Variants in SEMA6A observed in about 807,000 individuals in gnomAD.
The protein encoded by SEMA6A is semaphorin 6A, also known as semaphorin-6A.
SEMA6A carries 25 observed loss-of-function variants against 96.8 expected under a neutral mutation model. The observed-to-expected ratio is 0.26, with a 90% CI of 0.19 to 0.36. The LOEUF is 0.36. Ranked by LOEUF, SEMA6A falls within the 10% of genes least tolerant of loss-of-function variation. The pLI is 1.00. For synonymous variants in SEMA6A, 612 were observed against 518.0 expected (o/e 1.18, Z -2.46); for missense variants, 1,363 against 1,323.1 (o/e 1.03, Z -0.47).
chr5:116,536,866 T>TAAAAAAAAAAAAAAAA (rs72214884), intron 1 of SEMA6A, among the ~76,000 whole-genome samples: 15 of 69,516 alleles, frequency 2.2e-4, no homozygotes, highest in African/African-American at 3.3e-4. Flanking sequence ...TGTGATTTCT[T>TAAAAAAAAAAAAAAAA]AAAAAAAAAA....
intron 1 of SEMA6A, among the ~76,000 whole-genome samples, chr5:116,532,550 C>G (rs760814215): frequency 5.5e-4 from 84 of 152,118 alleles, no homozygotes; most frequent in African/African-American, 1.1e-3. Flanking sequence ...ATCCCTCCCC[C>G]CCAGTCCTGA....
Position 116,488,118 on chromosome 5 carries a change from G to A in SEMA6A, c.734C>T (p.Thr245Ile), listed in dbSNP as rs960423110. ...FFREIAVEYNTMGKVVFPRVA... is the reference protein window; with the variant it reads ...FFREIAVEYNIMGKVVFPRVA... The stretch of plus-strand genomic sequence containing the variant: ...AGCATCCCCTCTTACCTTTCCCATG[G>A]TGTTATACTCCACTGCTATTTCCCT... Residue 245 changes from threonine (T) to isoleucine (I), a missense_variant, in exon 9 of 19, where the codon ACC becomes ATC. Around this residue, in one of 2 missense-constraint regions of SEMA6A, gnomAD observed 480 missense variants for 559.5 expected, o/e 0.86. Transcript: ENST00000343348. 1.3e-5 allele frequency: 21 copies of A among 1,605,308 alleles called. No individual in the cohort carries two copies. The African/African-American group carries it at 2.5e-4, about 19-fold the overall frequency.
At chr5:116,490,413 T>A (rs1433762239) in intron 7 of SEMA6A, among the ~76,000 whole-genome samples, 1 of 152,156 alleles carries the variant, frequency 6.6e-6, no homozygotes, top group Non-Finnish European at 1.5e-5. Flanking sequence ...TACAGTTAAA[T>A]TTAAATTCTC....
intron 1 of SEMA6A, among the ~76,000 whole-genome samples, chr5:116,532,048 C>T (rs1469383138): frequency 6.6e-6 from 1 of 152,172 alleles, no homozygotes; most frequent in Non-Finnish European, 1.5e-5. Flanking sequence ...TTCAAGTGTG[C>T]TCTCACCATT....
chr5:116,564,628 C>T (rs1760954206), intron 1 of SEMA6A, among the ~76,000 whole-genome samples: 1 of 152,148 alleles, frequency 6.6e-6, no homozygotes, highest in Non-Finnish European at 1.5e-5. Flanking sequence ...CAATTTACTC[C>T]CCAAATCCTT....
intron 17 of SEMA6A, among the ~76,000 whole-genome samples, chr5:116,469,961 A>G (rs1431352971): frequency 2.0e-5 from 3 of 152,210 alleles, no homozygotes; most frequent in Admixed American, 6.5e-5. Context: ...TCGATTTTCT[A>G]TATGTAAATC....
At chr5:116,462,883 T>A (rs1755500528) in intron 18 of SEMA6A, among the ~76,000 whole-genome samples, 1 of 152,220 alleles carries the variant, frequency 6.6e-6, no homozygotes. Context: ...ACCATATTAT[T>A]TACTTAGTAT....
At chr5:116,554,730 A>T (rs901126825) in intron 1 of SEMA6A, 1 of 152,176 alleles carries the variant, frequency 6.6e-6, no homozygotes, top group African/African-American at 2.4e-5. Context: ...TAAAACAAAT[A>T]TTCAGTACCT....
chr5:116,559,915 C>T (rs981466191), intron 1 of SEMA6A, among the ~76,000 whole-genome samples: 7 of 152,222 alleles, frequency 4.6e-5, no homozygotes, highest in Non-Finnish European at 8.8e-5. Flanking sequence ...CTGGTGACAT[C>T]ATCCTCTTGC....
chr5:116,529,096 A>G (rs61201349), intron 1 of SEMA6A, among the ~76,000 whole-genome samples: 4,639 of 152,280 alleles, frequency 0.03, 246 homozygotes, highest in African/African-American at 0.11. Context: ...ACAAAACACA[A>G]ACACCAAAAA....
Position 116,558,629 on chromosome 5 carries a change from AT to A in SEMA6A, c.-39+15555del, listed in dbSNP as rs1307504324. Among the ~76,000 whole-genome samples the A allele has an allele frequency of 3.9e-5, 2 of 51,324 alleles. 1 individual carries two copies. Among genetic ancestry groups the A allele is most frequent in the Admixed American group, 4.4e-4 (2 of 4,514 alleles). 33.7% of individuals were successfully genotyped at this position (51,324 alleles called of 152,430 possible). A position where few individuals can be genotyped will look rare whatever the true frequency, so the allele number is the denominator to read the frequency against. ...AGGCGCCCGCCACCGCGCCCGGCTAATTTTTTGTATTTTTAGTAGAGACGGG... is the reference window on the plus strand; with the variant it reads ...AGGCGCCCGCCACCGCGCCCGGCTAATTTTTGTATTTTTAGTAGAGACGGG... On this transcript the variant is annotated intron_variant, in intron 1 of 18. Coordinates refer to ENST00000343348, the MANE Select transcript of SEMA6A (RefSeq NM_020796.5).
At chr5:116,536,306 A>G (rs576622034) in intron 1 of SEMA6A, 1 of 152,322 alleles carries the variant, frequency 6.6e-6, no homozygotes, top group Non-Finnish European at 1.5e-5. Context: ...ACAAACAAAA[A>G]AAAAAAGAAT....
intron 1 of SEMA6A, among the ~76,000 whole-genome samples, chr5:116,540,703 C>T (rs781546434): frequency 6.6e-6 from 1 of 152,116 alleles, no homozygotes; most frequent in Non-Finnish European, 1.5e-5. Flanking sequence ...ATGTTAGATA[C>T]CTATTTCAAG....
intron 10 of SEMA6A, among the ~76,000 whole-genome samples, chr5:116,483,835 G>A (rs977277532): frequency 4.6e-5 from 7 of 152,126 alleles, no homozygotes; most frequent in African/African-American, 1.7e-4. Context: ...AGGCTGAGGT[G>A]GGTGGATAAC....
At chr5:116,449,339 A>AT (rs1754483580) in intron 18 of SEMA6A, 2 of 702,316 alleles carry the variant, frequency 2.8e-6, no homozygotes, top group African/African-American at 1.7e-5. Flanking sequence ...CGGGAGACGC[A>AT]TTTTTCATCT....
At chr5:116,513,316 G>A (rs1282803482) in intron 1 of SEMA6A, among the ~76,000 whole-genome samples, 2 of 151,924 alleles carry the variant, frequency 1.3e-5, no homozygotes, top group African/African-American at 4.8e-5. Context: ...TAGTAGAGAC[G>A]GGGTTTCTCC....
chr5:116,467,587 C>G lies in SEMA6A; in HGVS notation c.1890G>C (p.Lys630Asn). 1.2e-6 allele frequency: 2 copies of G among 1,612,638 alleles called. No individual in the cohort carries two copies. The highest frequency in any genetic ancestry group is 1.7e-6 in the Non-Finnish European group (2 of 1,179,352). ...GAVSSHNHQDKKGVIRESYLK... is the reference protein window; with the variant it reads ...GAVSSHNHQDNKGVIRESYLK... ...GAGGCATTTCCAAGGCCTTACCCTTCTTGTCTTGGTGATTATGGGAAGACA... is the reference window on the plus strand; with the variant it reads ...GAGGCATTTCCAAGGCCTTACCCTTGTTGTCTTGGTGATTATGGGAAGACA... Residue 630 changes from lysine to asparagine, a missense_variant, in exon 18 of 19, where the codon AAG (lysine) becomes AAC (asparagine). Physicochemically the swap from Lys to Asn is moderately conservative, Grantham distance 94. Around this residue, in one of 2 missense-constraint regions of SEMA6A, gnomAD observed 883 missense variants for 763.6 expected, o/e 1.16. Coordinates refer to ENST00000343348, the MANE Select transcript of SEMA6A (RefSeq NM_020796.5).
At chr5:116,502,358 A>G (rs1192872889) in intron 2 of SEMA6A, 31 bp from the exon 3 acceptor site, 1 of 1,596,838 alleles carries the variant, frequency 6.3e-7, no homozygotes, top group Non-Finnish European at 8.6e-7. Flanking sequence ...GCAAGAAAGG[A>G]AAAGCAAATC....
intron 16 of SEMA6A, among the ~76,000 whole-genome samples, chr5:116,473,825 G>C (rs1374070470): frequency 6.6e-6 from 1 of 152,212 alleles, no homozygotes; most frequent in East Asian, 1.9e-4. Context: ...GAGAGGAGAA[G>C]CCATGAGCAA....
Sources: gnomAD v4.1 joint callset for allele counts (sites outside exome capture counted in the v4.1 genomes callset) on GRCh38, gnomAD v4.1.1 for gene constraint, gnomAD v4.1.1 regional missense constraint, MANE v1.5 for transcripts, NCBI Gene and HGNC (gene_info 2026-07-23, HGNC 2026-07-21) for gene names.